The following ULK4 variants were observed in gnomAD, a reference collection of about 807,000 sequenced individuals.
ULK4 encodes inactive serine/threonine-protein kinase ULK4.
ULK4 carries 133 observed loss-of-function variants against 160.6 expected under a neutral mutation model. The observed-to-expected ratio is 0.83, with a 90% CI of 0.72 to 0.96. The LOEUF is 0.96. Among genes scored for constraint, ULK4 ranks in the 40% least tolerant of loss-of-function variants. The pLI is 0.00. For synonymous variants in ULK4, 534 were observed against 539.8 expected (o/e 0.99, Z 0.15); for missense variants, 1,580 against 1,499.5 (o/e 1.05, Z -0.89).
chr3:41,570,532 G>A (rs1413523742), intron 31 of ULK4, among the ~76,000 whole-genome samples: 1 of 151,990 alleles, frequency 6.6e-6, no homozygotes, highest in African/African-American at 2.4e-5. Context: ...GGTCCCATTT[G>A]GTAAAATGAC....
chr3:41,315,740 C>A (rs750031107), intron 35 of ULK4, among the ~76,000 whole-genome samples: 1 of 152,200 alleles, frequency 6.6e-6, no homozygotes, highest in Non-Finnish European at 1.5e-5. Context: ...ATAAACATTT[C>A]CCCAAAGAAG....
At chr3:41,903,977 G>A (rs1483697783) in intron 12 of ULK4, among the ~76,000 whole-genome samples, 1 of 132,982 alleles carries the variant, frequency 7.5e-6, no homozygotes, top group African/African-American at 2.7e-5. Context: ...ACTCCAGCCT[G>A]GGCAAAAGGC....
At chr3:41,857,572 T>C (rs2042391175) in intron 17 of ULK4, among the ~76,000 whole-genome samples, 1 of 152,202 alleles carries the variant, frequency 6.6e-6, no homozygotes, top group African/African-American at 2.4e-5. Context: ...TAGGTAGAAT[T>C]CAGCAGTGAA....
Position 41,600,221 on chromosome 3 carries a change from G to A in ULK4, c.3120+15448C>T, listed in dbSNP as rs79345808. ...CCTCCTTACCTACTCACTCCCTCAT[G>A]CAGGTACTTACTGAGTGTCTAATAT... On this transcript the variant is annotated intron_variant, in intron 31 of 36. Coordinates refer to ENST00000301831, the MANE Select transcript of ULK4 (RefSeq NM_017886.4). Among the ~76,000 whole-genome samples, 1,324 of 152,228 alleles carry A rather than the reference G, an allele frequency of 8.7e-3. 19 individuals carry two copies. Among genetic ancestry groups the A allele is most frequent in the African/African-American group, 0.03 (1,248 of 41,528 alleles).
chr3:41,948,104 G>T (rs1322534747), intron 2 of ULK4, among the ~76,000 whole-genome samples: 6 of 152,088 alleles, frequency 3.9e-5, no homozygotes, highest in African/African-American at 1.4e-4. Context: ...CCATCTATGT[G>T]TTCTCTATGT....
chr3:41,656,323 G>A (rs1690938246), intron 30 of ULK4, among the ~76,000 whole-genome samples: 1 of 151,948 alleles, frequency 6.6e-6, no homozygotes, highest in South Asian at 2.1e-4. Flanking sequence ...CAGGGGGAGG[G>A]AATTTAGGTA....
chr3:41,386,123 G>T (rs1357103175), intron 35 of ULK4, among the ~76,000 whole-genome samples: 1 of 152,010 alleles, frequency 6.6e-6, no homozygotes, highest in Non-Finnish European at 1.5e-5. Context: ...TCCACGTTTG[G>T]CTCAAAACAG....
intron 35 of ULK4, among the ~76,000 whole-genome samples, chr3:41,298,707 T>C (rs1047672806): frequency 6.6e-6 from 1 of 152,116 alleles, no homozygotes; most frequent in African/African-American, 2.4e-5. Context: ...CCTCAAGTCA[T>C]AGAGAGTCAA....
At chr3:41,312,068 G>A (rs2080061977) in intron 35 of ULK4, among the ~76,000 whole-genome samples, 1 of 150,802 alleles carries the variant, frequency 6.6e-6, no homozygotes, top group South Asian at 2.1e-4. Flanking sequence ...CAAACTCCTG[G>A]GCTCCAGCTA....
In ULK4 at chr3:41,832,704, G is replaced by A. The variant is rs770326423; in HGVS notation, c.1764+3160C>T. Among the ~76,000 whole-genome samples, 33 of 152,112 alleles carry A rather than the reference G, an allele frequency of 2.2e-4. 1 individual carries two copies. Among genetic ancestry groups the A allele is most frequent in the Non-Finnish European group, 4.4e-5 (3 of 68,008 alleles). ...CATTTAAGTCTTTAATCCATCTTGA[G>A]TTAATTTTTGTATAAGGTGCAAGGA... On this transcript the variant is annotated intron_variant, in intron 18 of 36. Coordinates refer to ENST00000301831, the MANE Select transcript of ULK4 (RefSeq NM_017886.4).
chr3:41,607,096 A>G (rs1000071554), intron 31 of ULK4, among the ~76,000 whole-genome samples: 1 of 152,116 alleles, frequency 6.6e-6, no homozygotes, highest in African/African-American at 2.4e-5. Context: ...CTTACATTTA[A>G]GTCTTTAATC....
intron 22 of ULK4, among the ~76,000 whole-genome samples, chr3:41,731,336 T>G (rs934605609): frequency 6.6e-6 from 1 of 152,088 alleles, no homozygotes. Flanking sequence ...AGCATTTCTA[T>G]ATATCAATAG....
chr3:41,259,452 G>C (rs2078903424), intron 35 of ULK4, among the ~76,000 whole-genome samples: 2 of 152,198 alleles, frequency 1.3e-5, no homozygotes. Flanking sequence ...CAGTTTGCAG[G>C]AGAGGATGTG....
chr3:41,568,184 G>A (rs776252519), intron 31 of ULK4, among the ~76,000 whole-genome samples: 6 of 152,170 alleles, frequency 3.9e-5, no homozygotes, highest in Non-Finnish European at 5.9e-5. Flanking sequence ...TGTTTACCTT[G>A]TACCAGGAGG....
chr3:41,816,143 T>C (rs1431023586), intron 19 of ULK4, among the ~76,000 whole-genome samples: 1 of 151,926 alleles, frequency 6.6e-6, no homozygotes, highest in Non-Finnish European at 1.5e-5. Context: ...ATATATTATA[T>C]ATAAAGTGGC....
intron 35 of ULK4, among the ~76,000 whole-genome samples, chr3:41,320,390 A>G (rs1338743964): frequency 6.6e-6 from 1 of 152,180 alleles, no homozygotes; most frequent in Non-Finnish European, 1.5e-5. Context: ...AACTGTTGCA[A>G]GATCATAACC....
At chr3:41,783,563 G>A (rs76966288) in intron 21 of ULK4, among the ~76,000 whole-genome samples, 18,499 of 151,602 alleles carry the variant, frequency 0.12, 1,321 homozygotes, top group Middle Eastern at 0.27. Context: ...AGGGAGAGAT[G>A]GGGTCTTATC....
chr3:41,726,051 A>G (rs1462928591), intron 22 of ULK4, among the ~76,000 whole-genome samples: 1 of 152,248 alleles, frequency 6.6e-6, no homozygotes, highest in Non-Finnish European at 1.5e-5. Context: ...TTTACAGAGT[A>G]TAAAAAAAGC....
chr3:41,598,678 C>G (rs1332032566), intron 31 of ULK4, among the ~76,000 whole-genome samples: 2 of 148,762 alleles, frequency 1.3e-5, no homozygotes, highest in Admixed American at 6.6e-5. Flanking sequence ...TATACACCCC[C>G]ACACACACAC....
Sources: allele counts gnomAD v4.1 joint callset (sites outside exome capture counted in the v4.1 genomes callset), GRCh38; gene constraint gnomAD v4.1.1; transcripts MANE v1.5; gene names NCBI Gene and HGNC (gene_info 2026-07-23, HGNC 2026-07-21).